Variants in CACNA1B observed in about 807,000 individuals in gnomAD.
CACNA1B encodes voltage-dependent N-type calcium channel subunit alpha-1B.
Under a neutral mutation model 247.2 loss-of-function variants are expected in CACNA1B, and 70 were observed. The observed-to-expected ratio is 0.28, with a 90% CI of 0.23 to 0.35. The LOEUF is 0.35. Among genes scored for constraint, CACNA1B ranks in the 10% least tolerant of loss-of-function variants. The pLI, the probability that CACNA1B is intolerant of heterozygous loss-of-function variation, is 1.00. For missense variants in CACNA1B, 2,367 were observed against 3,197.4 expected (o/e 0.74, Z 6.26); for synonymous variants, 1,231 against 1,294.4 (o/e 0.95, Z 1.05).
Position 137,881,946 on chromosome 9 carries a change from C to T in CACNA1B, c.391-798C>T, listed in dbSNP as rs1001902283. ...AATCGAGCTGTGGAAGCCTTGCCTG[C>T]AGGCGCCACGCCCTCTGGGAGGCTC... On this transcript the variant is annotated intron_variant, in intron 2 of 46. Coordinates refer to ENST00000371372, the MANE Select transcript of CACNA1B (RefSeq NM_000718.4). This position sits in a 1 kb window ranked among gnomAD's most constrained non-coding sequence, Gnocchi z 4.3. 2.8e-4 allele frequency among the ~76,000 whole-genome samples: 42 copies of T among 152,182 alleles called. No individual in the cohort carries two copies. The highest frequency in any genetic ancestry group is 1.3e-4 in the Non-Finnish European group (9 of 68,020).
At chr9:137,886,824 CAT>C (rs1241080775) in intron 3 of CACNA1B, among the ~76,000 whole-genome samples, 1 of 152,144 alleles carries the variant, frequency 6.6e-6, no homozygotes, top group Admixed American at 6.5e-5. Context: ...TTTTTCCCCA[CAT>C]ATGAAATGAG....
Position 138,065,810 on chromosome 9 carries a change from T to C in CACNA1B, c.4669-3948T>C, listed in dbSNP as rs570482649. ...GCGCCCATTCCTGACAGCCTGTGGATGCTAATGATATCTTGCGGTATCGTT... is the reference window on the plus strand; with the variant it reads ...GCGCCCATTCCTGACAGCCTGTGGACGCTAATGATATCTTGCGGTATCGTT... On this transcript the variant is annotated intron_variant, in intron 31 of 46. Transcript: ENST00000371372. 3.1e-3 allele frequency among the ~76,000 whole-genome samples: 470 copies of C among 152,332 alleles called. 2 individuals are homozygous for C. The highest frequency in any genetic ancestry group is 5.9e-3 in the Non-Finnish European group (399 of 68,032).
intron 36 of CACNA1B, among the ~76,000 whole-genome samples, chr9:138,088,854 G>A (rs1028468474): frequency 6.7e-6 from 1 of 150,010 alleles, no homozygotes; most frequent in African/African-American, 2.4e-5. Flanking sequence ...AAGTACTCAG[G>A]AGGCTGAGGC....
intron 8 of CACNA1B, among the ~76,000 whole-genome samples, chr9:137,956,433 G>T (rs113266870): frequency 6.6e-6 from 1 of 152,134 alleles, no homozygotes; most frequent in African/African-American, 2.4e-5. Context: ...CGAGGTGGGC[G>T]GATCACCTGA....
rs911243000 is a variant in CACNA1B at position 138,012,292 on chromosome 9, T to C, written c.2161-837T>C. Among the ~76,000 whole-genome samples the C allele has an allele frequency of 4.6e-5, 7 of 152,154 alleles. No individual in the cohort carries two copies. The highest frequency in any genetic ancestry group is 2.1e-4 in the South Asian group (1 of 4,828). On this transcript the variant is annotated intron_variant, in intron 17 of 46. Coordinates refer to ENST00000371372, the MANE Select transcript of CACNA1B (RefSeq NM_000718.4). This position sits in a 1 kb window ranked among gnomAD's most constrained non-coding sequence, Gnocchi z 4.2. ...TGGACACCCTCCTGGTGGCAGTGCT[T>C]GTGGGCAGTGCTGGGTCAGGACTTA...
In CACNA1B at chr9:138,002,499, C is replaced by T. The variant is rs1055479649; in HGVS notation, c.1975-4268C>T. Among the ~76,000 whole-genome samples, 7 of 145,964 alleles carry T rather than the reference C, an allele frequency of 4.8e-5. No homozygotes were observed. In the South Asian group the frequency reaches 1.1e-3, roughly 23 times the overall value. ...TGAGGTGGGAGTATCGCTTGAGGCT[C>T]TTAAGTTCAAGGTCAGCCTGGGCAA... On this transcript the variant is annotated intron_variant, in intron 15 of 46. Coordinates refer to ENST00000371372, the MANE Select transcript of CACNA1B (RefSeq NM_000718.4).
chr9:137,923,401 T>C (rs1009935040), intron 6 of CACNA1B, among the ~76,000 whole-genome samples: 13 of 150,046 alleles, frequency 8.7e-5, no homozygotes, highest in Admixed American at 4.7e-4. Flanking sequence ...TATTCCGTGG[T>C]GCCAGGTAGT....
rs1472001647 is a variant in CACNA1B, at chr9:137,879,102, G to A, written c.333G>A (p.Val111=). ...CCACCATCATCGCCAACTGCATCGT[G>A]CTGGCCCTGGAGCAGCACCTCCCTG... The part of the protein sequence containing the change: ...ILATIIANCI[V]LALEQHLPDG... Residue 111 remains valine (V), a synonymous_variant, in exon 2 of 47, where the codon GTG becomes GTA. Transcript: ENST00000371372. 4 of 1,612,568 alleles carry A rather than the reference G, an allele frequency of 2.5e-6. No individual in the cohort carries two copies. Among genetic ancestry groups the A allele is most frequent in the Admixed American group, 1.7e-5 (1 of 59,978 alleles).
At chr9:137,922,031 G>A (rs907774063) in intron 6 of CACNA1B, among the ~76,000 whole-genome samples, 5 of 148,656 alleles carry the variant, frequency 3.4e-5, no homozygotes, top group African/African-American at 1.0e-4. Flanking sequence ...TAAAGCATTC[G>A]GAGAACATGA....
In CACNA1B at chr9:137,881,109, T is replaced by A. The variant is rs545348064; in HGVS notation, c.391-1635T>A. ...CTAGGCGTCGGGCCTGTTCTCTTTT[T>A]CACCAGGAAGTTTCCTGTGAAGATC... On this transcript the variant is annotated intron_variant, in intron 2 of 46. Coordinates refer to ENST00000371372, the MANE Select transcript of CACNA1B (RefSeq NM_000718.4). The surrounding 1 kb of genome is among the most constrained non-coding windows in gnomAD (Gnocchi z 4.3). Among the ~76,000 whole-genome samples the A allele has an allele frequency of 7.2e-5, 11 of 152,308 alleles. No homozygotes were observed. The highest frequency in any genetic ancestry group is 2.2e-4 in the African/African-American group (9 of 41,566).
At chr9:138,079,190 G>A (rs1224006012) in intron 36 of CACNA1B, among the ~76,000 whole-genome samples, 1 of 152,138 alleles carries the variant, frequency 6.6e-6, no homozygotes, top group Non-Finnish European at 1.5e-5. Context: ...ATGGATCCAG[G>A]AATCTGAGTT....
rs199613929 is a variant in CACNA1B, at chr9:138,058,296, C to T, written c.4308+46C>T. ...GTCTTGCAGTGGACAGCGTGGGCAG[C>T]GCCATCAGGCTTCCCTCCTGCACAC... On this transcript the variant is annotated intron_variant, in intron 28 of 46. Transcript: ENST00000371372. This position sits in a 1 kb window ranked among gnomAD's most constrained non-coding sequence, Gnocchi z 4.7. 2.9e-5 allele frequency: 43 copies of T among 1,463,098 alleles called. No individual in the cohort carries two copies. The highest frequency in any genetic ancestry group is 3.4e-5 in the Non-Finnish European group (36 of 1,046,560). The allele number at this position is 1,463,098 out of a possible 1,614,324, so 90.6% of individuals were successfully genotyped here.
At chr9:138,009,344 G>A (rs867300329) in intron 16 of CACNA1B, among the ~76,000 whole-genome samples, 15 of 152,246 alleles carry the variant, frequency 9.9e-5, no homozygotes, top group African/African-American at 3.4e-4. Context: ...ACGGCCTGAC[G>A]TGAGTCCTGC....
chr9:137,943,366 T>A (rs529569356), intron 6 of CACNA1B, among the ~76,000 whole-genome samples: 1 of 152,348 alleles, frequency 6.6e-6, no homozygotes, highest in South Asian at 2.1e-4. Flanking sequence ...ATGCTGAATG[T>A]AAATAGTATT....
At position 138,073,113 on chromosome 9, in the gene CACNA1B, C is replaced by T. The variant is rs544015552; in HGVS notation, c.4675-375C>T. On this transcript the variant is annotated intron_variant, in intron 32 of 46. Transcript: ENST00000371372. This position sits in a 1 kb window ranked among gnomAD's most constrained non-coding sequence, Gnocchi z 6.4. ...ATGCCCAGCACGTGGCCAGCTTGACCGTGTCCTGCAAGAGGTGGTCACTGC... is the reference window on the plus strand; with the variant it reads ...ATGCCCAGCACGTGGCCAGCTTGACTGTGTCCTGCAAGAGGTGGTCACTGC... 1.8e-4 allele frequency among the ~76,000 whole-genome samples: 28 copies of T among 152,310 alleles called. No individual in the cohort carries two copies. The highest frequency in any genetic ancestry group is 4.3e-4 in the African/African-American group (18 of 41,544).
At chr9:137,949,439 T>A (rs113708168) in intron 6 of CACNA1B, among the ~76,000 whole-genome samples, 17 of 125,220 alleles carry the variant, frequency 1.4e-4, no homozygotes, top group East Asian at 2.4e-4. Context: ...TGTGTCTGGT[T>A]TGTGTGGGGT....
chr9:137,927,760 T>A (rs1468792188), intron 6 of CACNA1B, among the ~76,000 whole-genome samples: 1 of 152,186 alleles, frequency 6.6e-6, no homozygotes, highest in Non-Finnish European at 1.5e-5. Context: ...TGAGTTGTTG[T>A]TTTTTCTTTT....
chr9:137,939,946 G>A (rs955891214), intron 6 of CACNA1B, among the ~76,000 whole-genome samples: 1 of 151,988 alleles, frequency 6.6e-6, no homozygotes. Context: ...AAAGTTCATA[G>A]CCCTAAATAC....
chr9:138,006,708 G>A, intron 15 of CACNA1B, 59 bp from the exon 16 acceptor site: 1 of 903,028 alleles, frequency 1.1e-6, no homozygotes, highest in Non-Finnish European at 1.8e-6. Context: ...GGGTGGGGGT[G>A]CGTGTGTGTG....
Sources: gnomAD v4.1 joint callset for allele counts (sites outside exome capture counted in the v4.1 genomes callset) on GRCh38, gnomAD v4.1.1 for gene constraint, Gnocchi (gnomAD v3.1) non-coding constraint, MANE v1.5 for transcripts, NCBI Gene and HGNC (gene_info 2026-07-23, HGNC 2026-07-21) for gene names.